Variants in YWHAE observed in about 807,000 individuals in gnomAD.
YWHAE encodes 14-3-3 protein epsilon.
A neutral mutation model predicts 30.1 loss-of-function variants in YWHAE; 4 were observed. The observed-to-expected ratio is 0.13, with a 90% CI of 0.07 to 0.30. The LOEUF is 0.30. Ranked by LOEUF, YWHAE falls within the 10% of genes least tolerant of loss-of-function variation. The probability of loss-of-function intolerance (pLI) is 1.00; values close to 1 mark genes in which losing one functional copy is unlikely to be tolerated. For synonymous variants in YWHAE, 118 were observed against 111.8 expected (o/e 1.06, Z -0.35); for missense variants, 121 against 315.9 (o/e 0.38, Z 4.68).
rs530875852 is a variant in YWHAE at position 1,358,719 on chromosome 17, A to T, written c.578+2373T>A. Among the ~76,000 whole-genome samples the T allele has an allele frequency of 5.3e-5, 8 of 151,510 alleles. No individual in the cohort carries two copies. In the East Asian group the frequency reaches 1.6e-3, roughly 30 times the overall value. On this transcript the variant is annotated intron_variant, in intron 4 of 5. Coordinates refer to ENST00000264335, the MANE Select transcript of YWHAE (RefSeq NM_006761.5). ...GTGGCACATGCCTGTAATCCCAGCT[A>T]CTTGAGAGGCTGAAGCACCAGAATC...
intron 1 of YWHAE, among the ~76,000 whole-genome samples, chr17:1,381,291 A>G (rs1015014621): frequency 2.6e-5 from 4 of 151,462 alleles, no homozygotes; most frequent in Non-Finnish European, 4.4e-5. Context: ...GAGGCGGGTG[A>G]CTCACCTGAG....
At chr17:1,366,808 GGT>G (rs2072952316) in intron 1 of YWHAE, among the ~76,000 whole-genome samples, 1 of 152,066 alleles carries the variant, frequency 6.6e-6, no homozygotes, top group Non-Finnish European at 1.5e-5. Flanking sequence ...TGGGCATGGT[GGT>G]GCACGCTTGT....
At chr17:1,393,460 T>C (rs1028961116) in intron 1 of YWHAE, among the ~76,000 whole-genome samples, 1 of 152,206 alleles carries the variant, frequency 6.6e-6, no homozygotes, top group African/African-American at 2.4e-5. Context: ...AGACAGGCTC[T>C]CCCTCTGTGG....
rs528908113 is a variant in YWHAE, at chr17:1,381,549, C to T, written c.65-16491G>A. On this transcript the variant is annotated intron_variant, in intron 1 of 5. Transcript: ENST00000264335. The stretch of plus-strand genomic sequence containing the variant: ...CTCAAAAAAATAAGTAAATAAAACA[C>T]GAAAGGCTCAAGAATGCATGTAAAG... Among the ~76,000 whole-genome samples, 22 of 151,988 alleles carry T rather than the reference C, an allele frequency of 1.4e-4. 1 individual carries two copies. Among genetic ancestry groups the T allele is most frequent in the Admixed American group, 4.6e-4 (7 of 15,234 alleles).
chr17:1,371,457 T>C (rs1299981901), intron 1 of YWHAE, among the ~76,000 whole-genome samples: 4 of 151,920 alleles, frequency 2.6e-5, no homozygotes, highest in Non-Finnish European at 5.9e-5. Context: ...GCTTCAACAG[T>C]GGGCTTAAGA....
chr17:1,388,420 G>GCAGGAGAATGGAGTGAACC (rs1293969664), intron 1 of YWHAE, among the ~76,000 whole-genome samples: 4 of 151,818 alleles, frequency 2.6e-5, no homozygotes, highest in Non-Finnish European at 5.9e-5. Flanking sequence ...GGAGGCTGAG[G>GCAGGAGAATGGAGTGAACC]CAGGAGAATG....
intron 4 of YWHAE, among the ~76,000 whole-genome samples, chr17:1,359,812 TTGTGTGTGTGTGTGTGTGTGTGTGTG>T (rs59650315): frequency 7.7e-6 from 1 of 130,622 alleles, no homozygotes; most frequent in African/African-American, 3.0e-5. Context: ...CACTAAATTG[TTGTGTGTGTGTGTGTGTGTGTGTGTG>T]TGTGTGTGTG....
intron 1 of YWHAE, among the ~76,000 whole-genome samples, chr17:1,377,209 C>T (rs1311443894): frequency 1.3e-5 from 2 of 152,096 alleles, no homozygotes; most frequent in African/African-American, 2.4e-5. Flanking sequence ...TTACCACACC[C>T]GGCCCTAATC....
chr17:1,352,552 T>C (rs2072652977), intron 5 of YWHAE, among the ~76,000 whole-genome samples: 1 of 150,164 alleles, frequency 6.7e-6, no homozygotes, highest in Non-Finnish European at 1.5e-5. Flanking sequence ...TTAGATGGAG[T>C]CTTCCTCTGT....
intron 1 of YWHAE, among the ~76,000 whole-genome samples, chr17:1,378,570 A>G (rs10521111): frequency 0.094 from 14,284 of 152,314 alleles, 931 homozygotes; most frequent in Non-Finnish European, 0.14. Context: ...TCTGGGAAGC[A>G]TCAGTTCTGT....
chr17:1,354,425 T>G lies in YWHAE; in HGVS notation c.579-78A>C, dbSNP rs1362280781. On this transcript the variant is annotated intron_variant, in intron 4 of 5. Transcript: ENST00000264335. ...AGAAATGACATGCTAGACAGCAATCTTTTCTTCAGTTATTCCAGTTTGTAA... is the reference window on the plus strand; with the variant it reads ...AGAAATGACATGCTAGACAGCAATCGTTTCTTCAGTTATTCCAGTTTGTAA... The G allele has an allele frequency of 2.2e-6, 3 of 1,387,548 alleles. No homozygotes were observed. The East Asian group carries it at 7.0e-5, about 32-fold the overall frequency. 86.0% of individuals were successfully genotyped at this position (1,387,548 alleles called of 1,614,324 possible).
At chr17:1,372,259 A>G (rs1483732766) in intron 1 of YWHAE, among the ~76,000 whole-genome samples, 1 of 152,234 alleles carries the variant, frequency 6.6e-6, no homozygotes. Flanking sequence ...TTAAATTTGA[A>G]GAGAGTTAGA....
At chr17:1,360,299 TA>T (rs1189019086) in intron 4 of YWHAE, among the ~76,000 whole-genome samples, 6 of 152,178 alleles carry the variant, frequency 3.9e-5, no homozygotes. Context: ...TATGTACGTA[TA>T]AATATTCCTT....
intron 1 of YWHAE, among the ~76,000 whole-genome samples, chr17:1,386,041 A>C (rs1290438022): frequency 4.6e-5 from 7 of 152,204 alleles, no homozygotes; most frequent in Non-Finnish European, 8.8e-5. Context: ...AATACCAGTG[A>C]CATTTCAAAT....
At chr17:1,393,372 C>G (rs2073417951) in intron 1 of YWHAE, among the ~76,000 whole-genome samples, 1 of 151,542 alleles carries the variant, frequency 6.6e-6, no homozygotes, top group Non-Finnish European at 1.5e-5. Flanking sequence ...TATTTTAAAG[C>G]TACTTTACAG....
In YWHAE at chr17:1,393,964, G is replaced by C. The variant is rs202200614; in HGVS notation, c.64+6083C>G. ...TGTCTACAATTCACCATGGATATCA[G>C]TCATCACAAACATCAAGATGTGAAG... On this transcript the variant is annotated intron_variant, in intron 1 of 5. Coordinates refer to ENST00000264335, the MANE Select transcript of YWHAE (RefSeq NM_006761.5). Among the ~76,000 whole-genome samples the C allele has an allele frequency of 5.9e-5, 9 of 152,196 alleles. No individual in the cohort carries two copies. In the East Asian group the frequency reaches 1.5e-3, roughly 26 times the overall value.
At chr17:1,358,906 G>A (rs568508423) in intron 4 of YWHAE, among the ~76,000 whole-genome samples, 30 of 150,860 alleles carry the variant, frequency 2.0e-4, no homozygotes, top group South Asian at 8.4e-4. Flanking sequence ...AGGCCGAGGC[G>A]GGCAGATCAC....
chr17:1,390,211 A>G (rs752922185), intron 1 of YWHAE, among the ~76,000 whole-genome samples: 32 of 152,204 alleles, frequency 2.1e-4, no homozygotes, highest in Non-Finnish European at 4.0e-4. Flanking sequence ...GCTAAGGAGA[A>G]AGTCTCTTAT....
chr17:1,355,115 TTAAAAAAAAAAAAAAAA>T (rs2072713833), intron 4 of YWHAE, among the ~76,000 whole-genome samples: 10 of 72,378 alleles, frequency 1.4e-4, no homozygotes, highest in African/African-American at 3.7e-4. Context: ...CCAAGATTTT[TTAAAAAAAAAAAAAAAA>T]AAAAAAAAAA....
Sources: allele counts gnomAD v4.1 joint callset (sites outside exome capture counted in the v4.1 genomes callset), GRCh38; gene constraint gnomAD v4.1.1; transcripts MANE v1.5; gene names NCBI Gene and HGNC (gene_info 2026-07-23, HGNC 2026-07-21).